Variants in PCDH15 observed in about 807,000 individuals in gnomAD.
The protein encoded by PCDH15 is protocadherin related 15, also known as protocadherin-15.
A neutral mutation model predicts 178.5 loss-of-function variants in PCDH15; 129 were observed. The ratio of observed to expected loss-of-function variants is 0.72; its 90% CI spans 0.63 to 0.84. The LOEUF (loss-of-function observed/expected upper bound fraction) is 0.84, where lower values mean the gene tolerates loss of function less well. Ranked by LOEUF, PCDH15 falls within the 40% of genes least tolerant of loss-of-function variation. The pLI is 0.00. For synonymous variants in PCDH15, 800 were observed against 732.0 expected (o/e 1.09, Z -1.50); for missense variants, 2,230 against 2,099.9 (o/e 1.06, Z -1.21).
chr10:54,482,799 C>T (rs1364677467), intron 3 of PCDH15, among the ~76,000 whole-genome samples: 1 of 151,810 alleles, frequency 6.6e-6, no homozygotes, highest in Non-Finnish European at 1.5e-5. Flanking sequence ...GCACATATAG[C>T]AGTGGCGAGG....
intron 3 of PCDH15, among the ~76,000 whole-genome samples, chr10:54,475,490 A>T (rs1381869427): frequency 6.6e-6 from 1 of 152,000 alleles, no homozygotes; most frequent in African/African-American, 2.4e-5. Flanking sequence ...CATGTAAAGC[A>T]ACTAATAAAG....
chr10:54,731,895 G>A (rs1030776385), intron 1 of PCDH15, among the ~76,000 whole-genome samples: 2 of 150,492 alleles, frequency 1.3e-5, no homozygotes, highest in Non-Finnish European at 3.0e-5. Context: ...AGATCAATAG[G>A]GTGATTATAG....
intron 4 of PCDH15, 121 bp downstream of exon 4, chr10:54,378,661 T>C: frequency 9.0e-7 from 1 of 1,112,874 alleles, no homozygotes; most frequent in South Asian, 1.4e-5. Flanking sequence ...GAAACTGTTG[T>C]TGCTATACTC....
chr10:55,426,342 C>G (rs1287017264), intron 2 of PCDH15, among the ~76,000 whole-genome samples: 3 of 152,130 alleles, frequency 2.0e-5, no homozygotes, highest in Non-Finnish European at 4.4e-5. Flanking sequence ...TTTGAGCCAT[C>G]TGGCTGCTCT....
intron 15 of PCDH15, among the ~76,000 whole-genome samples, chr10:54,128,839 G>T (rs576882855): frequency 6.6e-6 from 1 of 152,118 alleles, no homozygotes; most frequent in Non-Finnish European, 1.5e-5. Flanking sequence ...CTTCATAAGA[G>T]CCTTAAAATA....
chr10:54,047,883 G>T (rs950112258), intron 18 of PCDH15, among the ~76,000 whole-genome samples: 3 of 152,074 alleles, frequency 2.0e-5, no homozygotes. Flanking sequence ...AAATACAAGT[G>T]CATGTGTCTT....
chr10:54,267,762 T>C (rs1232282918), intron 8 of PCDH15, among the ~76,000 whole-genome samples: 1 of 151,906 alleles, frequency 6.6e-6, no homozygotes, highest in Non-Finnish European at 1.5e-5. Context: ...AAAACACTGC[T>C]GAATGAAATC....
rs542371602 is a variant in PCDH15 at position 55,242,444 on chromosome 10, T to C, written c.-155-75793A>G. ...ACTTTGAATCTGTTAAATCAGAGTT[T>C]TGGTTTCTACATAAGAAAATAGCCT... On this transcript the variant is annotated intron_variant, in intron 1 of 5. Coordinates refer to the PCDH15 transcript ENST00000458638. 8.5e-5 allele frequency among the ~76,000 whole-genome samples: 13 copies of C among 152,110 alleles called. No individual in the cohort carries two copies. In the South Asian group the frequency reaches 2.7e-3, roughly 32 times the overall value.
intron 18 of PCDH15, among the ~76,000 whole-genome samples, chr10:54,030,213 C>A (rs1036387695): frequency 6.6e-6 from 1 of 151,874 alleles, no homozygotes; most frequent in Non-Finnish European, 1.5e-5. Flanking sequence ...TCCTTTACAG[C>A]GATTTAAGAG....
chr10:55,177,607 A>C (rs1179323686), intron 1 of PCDH15, among the ~76,000 whole-genome samples: 1 of 152,184 alleles, frequency 6.6e-6, no homozygotes, highest in Non-Finnish European at 1.5e-5. Flanking sequence ...TATACCCTAC[A>C]TAATGTGGCA....
rs186870517 is a variant in PCDH15, at chr10:53,900,971, C to T, written c.3501+2272G>A. ...TAACATAAGTGGTGATGTAAAAATC[C>T]ACAAGGGCATTCTAATCACAGTAGC... On this transcript the variant is annotated intron_variant, in intron 26 of 37. Transcript: ENST00000644397. 2.0e-5 allele frequency among the ~76,000 whole-genome samples: 3 copies of T among 152,188 alleles called. No individual in the cohort carries two copies. The East Asian group carries it at 5.8e-4, about 29-fold the overall frequency.
Position 54,307,340 on chromosome 10 carries a change from T to C in PCDH15, c.876+9931A>G, listed in dbSNP as rs1459099126. Among the ~76,000 whole-genome samples the C allele has an allele frequency of 4.0e-5, 6 of 150,838 alleles. No homozygotes were observed. The East Asian group carries it at 1.2e-3, about 30-fold the overall frequency. Reference sequence around the variant, plus strand: ...TAATTAAAGTAAATCCTGAAAAACTTTCTACATTAGTGTGTGGAAAAACAG... The same window carrying C: ...TAATTAAAGTAAATCCTGAAAAACTCTCTACATTAGTGTGTGGAAAAACAG... On this transcript the variant is annotated intron_variant, in intron 8 of 37. Coordinates refer to ENST00000644397, the MANE Select transcript of PCDH15 (RefSeq NM_001384140.1).
intron 1 of PCDH15, among the ~76,000 whole-genome samples, chr10:54,766,573 A>T (rs1948535322): frequency 6.6e-6 from 1 of 151,988 alleles, no homozygotes; most frequent in Non-Finnish European, 1.5e-5. Flanking sequence ...CTTTCTCTAA[A>T]TGTATCACAT....
At chr10:55,400,951 A>G (rs1838047570) in intron 2 of PCDH15, among the ~76,000 whole-genome samples, 1 of 152,074 alleles carries the variant, frequency 6.6e-6, no homozygotes, top group Non-Finnish European at 1.5e-5. Flanking sequence ...GATAAGATGG[A>G]GTTCTGTCTC....
intron 26 of PCDH15, among the ~76,000 whole-genome samples, chr10:53,885,049 A>G (rs570106250): frequency 6.6e-6 from 1 of 152,184 alleles, no homozygotes; most frequent in Non-Finnish European, 1.5e-5. Context: ...TTTAATAATG[A>G]AAAATAAATT....
intron 2 of PCDH15, among the ~76,000 whole-genome samples, chr10:54,948,637 T>C (rs987149045): frequency 6.6e-6 from 1 of 151,892 alleles, no homozygotes; most frequent in African/African-American, 2.4e-5. Flanking sequence ...GATTAAAAAG[T>C]TATTCCCTTT....
At chr10:55,121,835 A>G (rs988667936) in intron 2 of PCDH15, among the ~76,000 whole-genome samples, 2 of 152,078 alleles carry the variant, frequency 1.3e-5, no homozygotes, top group East Asian at 3.9e-4. Flanking sequence ...CCCTGGAAGC[A>G]GAGAGCCAGC....
chr10:54,334,500 G>A (rs1039516668), intron 6 of PCDH15, among the ~76,000 whole-genome samples: 6 of 152,286 alleles, frequency 3.9e-5, no homozygotes, highest in African/African-American at 1.4e-4. Context: ...AGATGCTCTA[G>A]AAATGGAATA....
In PCDH15 at chr10:55,376,560, T is replaced by C. The variant is rs1018147394; in HGVS notation, c.-155-209909A>G. Among the ~76,000 whole-genome samples the C allele has an allele frequency of 3.3e-5, 5 of 152,212 alleles. No individual in the cohort carries two copies. In the East Asian group the frequency reaches 9.7e-4, roughly 29 times the overall value. On this transcript the variant is annotated intron_variant, in intron 2 of 5. Coordinates refer to the PCDH15 transcript ENST00000613346. Reference sequence around the variant, plus strand: ...TGCTTTAGTTTTCCAGAGACTCCCATTTTTAGCTTTGATTATTGAAGAAGA... The same window carrying C: ...TGCTTTAGTTTTCCAGAGACTCCCACTTTTAGCTTTGATTATTGAAGAAGA...
Sources: allele counts gnomAD v4.1 joint callset (sites outside exome capture counted in the v4.1 genomes callset), GRCh38; gene constraint gnomAD v4.1.1; transcripts MANE v1.5; gene names NCBI Gene and HGNC (gene_info 2026-07-23, HGNC 2026-07-21).